The following PEX1 variants were observed in gnomAD, a reference collection of about 807,000 sequenced individuals.
PEX1 encodes peroxisomal ATPase PEX1.
In PEX1, 97 loss-of-function variants were observed where a neutral mutation model predicts 152.5. That is an observed-to-expected ratio of 0.64 (90% CI 0.54 to 0.75). The LOEUF is 0.75. Among genes scored for constraint, PEX1 ranks in the 30% least tolerant of loss-of-function variants. The pLI, the probability that PEX1 is intolerant of heterozygous loss-of-function variation, is 0.00. For synonymous variants in PEX1, 485 were observed against 531.6 expected (o/e 0.91, Z 1.21); for missense variants, 1,357 against 1,516.3 (o/e 0.89, Z 1.74).
At position 92,489,799 on chromosome 7, in the gene PEX1, C is replaced by T. The variant is rs1215256754; in HGVS notation, c.3551G>A (p.Gly1184Asp). 2 of 1,613,886 alleles carry T rather than the reference C, an allele frequency of 1.2e-6. No homozygotes were observed. The highest frequency in any genetic ancestry group is 2.7e-5 in the African/African-American group (2 of 74,900). Residue 1184 changes from glycine (G) to aspartate (D), a missense_variant, in exon 22 of 24, where the codon GGT (glycine) becomes GAT (aspartate). Physicochemically the swap from Gly to Asp is moderately conservative, Grantham distance 94 (BLOSUM62 -1). Coordinates refer to ENST00000248633, the MANE Select transcript of PEX1 (RefSeq NM_000466.3). ...PPVLRTASQEGCQELTQEQRD... is the reference protein window; with the variant it reads ...PPVLRTASQEDCQELTQEQRD... ...TTGTTCTTGTGTAAGTTCTTGGCAA[C>T]CCTCTTGTGAAGCTGTCCTTAACAC...
intron 2 of PEX1, 74 bp from the exon 3 acceptor site, chr7:92,519,152 T>A: frequency 1.2e-6 from 1 of 824,158 alleles, no homozygotes; most frequent in Non-Finnish European, 2.0e-6. Context: ...TAAGAAGTTA[T>A]CTTCTTACCA....
At chr7:92,490,309 G>T in intron 21 of PEX1, 1 of 224,416 alleles carries the variant, frequency 4.5e-6, no homozygotes, top group Non-Finnish European at 8.9e-6. Context: ...TACTGTTCTT[G>T]GGAATAAAAA....
chr7:92,516,043 GA>G (rs1490262016), intron 5 of PEX1, among the ~76,000 whole-genome samples: 1 of 101,108 alleles, frequency 9.9e-6, no homozygotes, highest in African/African-American at 4.2e-5. Context: ...GAAGAGAAGA[GA>G]AGAGAAGAGA....
chr7:92,522,274 AG>A, intron 1 of PEX1, 29 bp from the exon 2 acceptor site: 1 of 1,608,572 alleles, frequency 6.2e-7, no homozygotes. Context: ...AGAGGAAAAA[AG>A]GTTTTCGTAT....
intron 21 of PEX1, 29 bp from the exon 22 acceptor site, chr7:92,489,940 T>C (rs1455440603): frequency 2.7e-5 from 43 of 1,571,232 alleles, no homozygotes; most frequent in Non-Finnish European, 3.7e-5. Flanking sequence ...TAATGAAAGA[T>C]GGAAGGAAGA....
chr7:92,513,477 T>G (rs1481175052), intron 6 of PEX1, among the ~76,000 whole-genome samples: 2 of 152,064 alleles, frequency 1.3e-5, no homozygotes, highest in African/African-American at 4.8e-5. Flanking sequence ...TACTTCTACT[T>G]ATATATGAAA....
chr7:92,493,166 A>T (rs566105458), intron 19 of PEX1, 37 bp from the exon 20 acceptor site: 3 of 1,131,022 alleles, frequency 2.7e-6, no homozygotes, highest in Non-Finnish European at 2.6e-6. Context: ...AATAAAAAAT[A>T]AAATTAAAAA....
At chr7:92,498,629 A>T (rs541510885) in intron 16 of PEX1, among the ~76,000 whole-genome samples, 99 of 152,338 alleles carry the variant, frequency 6.5e-4, no homozygotes, top group Non-Finnish European at 1.3e-3. Context: ...CTGATGTCTG[A>T]AATTACACAG....
intron 5 of PEX1, among the ~76,000 whole-genome samples, chr7:92,517,038 C>G (rs1350167198): frequency 2.6e-5 from 4 of 152,202 alleles, no homozygotes; most frequent in Non-Finnish European, 4.4e-5. Context: ...ATTTTGACCT[C>G]TCTGGCCTGA....
At chr7:92,492,155 T>C (rs1791365858) in intron 20 of PEX1, among the ~76,000 whole-genome samples, 1 of 152,158 alleles carries the variant, frequency 6.6e-6, no homozygotes, top group Admixed American at 6.5e-5. Context: ...AAGAATATTT[T>C]TCTTTTTTGG....
rs1792842303 is a variant in PEX1, at chr7:92,517,396, A to G, written c.1119T>C (p.Asp373=). The change falls in exon 5 of 24, where the codon GAT becomes GAC. Residue 373 remains aspartate, a synonymous_variant. Transcript: ENST00000248633. ...AGGCCTTCTCATCTTCTTCATTATG[A>G]TCTGACCTAATTTTTTTTTGATCTA... ...EPLDQKKIRS[D]HNEEDEKACV... The G allele has an allele frequency of 6.2e-7, 1 of 1,613,390 alleles. No individual in the cohort carries two copies. Among genetic ancestry groups the G allele is most frequent in the Non-Finnish European group, 8.5e-7 (1 of 1,179,860 alleles).
rs545277776 is a variant in PEX1, at chr7:92,513,732, T to C, written c.1359+116A>G. 285 of 775,362 alleles carry C rather than the reference T, an allele frequency of 3.7e-4. 1 individual carries two copies. In the African/African-American group the frequency reaches 4.3e-3, roughly 12 times the overall value. The allele number at this position is 775,362 out of a possible 1,614,324, so 48.0% of individuals were successfully genotyped here. A position where few individuals can be genotyped will look rare whatever the true frequency, so the allele number is the denominator to read the frequency against. On this transcript the variant is annotated intron_variant, in intron 6 of 23. Coordinates refer to ENST00000248633, the MANE Select transcript of PEX1 (RefSeq NM_000466.3). ...TTATGTTATATATAGTTTAACACAA[T>C]AAAAAAAGATTTGTATCAAAAAGGA... is the stretch of plus-strand genomic sequence containing the variant.
At chr7:92,501,382 T>C (rs932102381) in intron 15 of PEX1, 125 bp downstream of exon 15, 3 of 735,782 alleles carry the variant, frequency 4.1e-6, no homozygotes, top group East Asian at 2.6e-5. Flanking sequence ...AGACATTTAT[T>C]TGGTAACTCA....
Position 92,507,138 on chromosome 7 carries a change from A to G in PEX1, c.1671-12T>C. 1 of 1,611,898 alleles carries G rather than the reference A, an allele frequency of 6.2e-7. No homozygotes were observed. The highest frequency in any genetic ancestry group is 8.5e-7 in the Non-Finnish European group (1 of 1,178,046). On this transcript the variant is annotated splice_polypyrimidine_tract_variant and intron_variant, in intron 9 of 23. Transcript: ENST00000248633. ...AGGAATTCACTCCTCTGTAAAAAAT[A>G]TACATAGTTACATGATAAAAGACTG...
In PEX1 at chr7:92,499,707, G is replaced by C. The variant is rs748602242; in HGVS notation, c.2715C>G (p.Val905=). The C allele has an allele frequency of 5.6e-6, 9 of 1,611,172 alleles. No homozygotes were observed. Among genetic ancestry groups the C allele is most frequent in the Non-Finnish European group, 7.6e-6 (9 of 1,177,436 alleles). ...AGAAGATAAGTAGACAACATACCTT[G>C]ACACTTATAAAATTCATTCTACTCT... is the stretch of plus-strand genomic sequence containing the variant. ...ARESRMNFIS[V]KGPELLSKYI... is the part of the protein sequence containing the mutation. The change falls in exon 16 of 24, where the codon GTC becomes GTG. Residue 905 remains valine (V), a synonymous_variant. Transcript: ENST00000248633.
At chr7:92,518,413 G>T (rs1281077880) in intron 3 of PEX1, among the ~76,000 whole-genome samples, 158 bp from the exon 4 acceptor site, 1 of 152,032 alleles carries the variant, frequency 6.6e-6, no homozygotes, top group Non-Finnish European at 1.5e-5. Flanking sequence ...TAGTATAATG[G>T]TTACTATAGT....
In PEX1 at chr7:92,517,850, G is replaced by A. The variant is rs773922257; in HGVS notation, c.665C>T (p.Thr222Ile). The A allele has an allele frequency of 1.5e-5, 23 of 1,543,018 alleles. No individual in the cohort carries two copies. The highest frequency in any genetic ancestry group is 1.9e-5 in the Non-Finnish European group (22 of 1,151,288). Residue 222 changes from threonine (T) to isoleucine (I), a missense_variant, in exon 5 of 24, where the codon ACT becomes ATT. By Grantham distance (89) the Thr-to-Ile change is moderately conservative. Transcript: ENST00000248633. ...TTCATTAGATTCAGTGATTCCCACA[G>A]TATTTGACTGAAGTTGCTTGGTTTG... Reference protein sequence around the residue: ...ELQTKQLQSNTVGITESNENE... With the variant: ...ELQTKQLQSNIVGITESNENE...
At chr7:92,491,538 T>A in intron 20 of PEX1, 36 bp from the exon 21 acceptor site, 1 of 1,241,602 alleles carries the variant, frequency 8.1e-7, no homozygotes. Context: ...TTTAAAGATG[T>A]AAACAATTTT....
intron 12 of PEX1, among the ~76,000 whole-genome samples, chr7:92,503,472 T>C (rs1191826738): frequency 6.6e-6 from 1 of 152,206 alleles, no homozygotes; most frequent in African/African-American, 2.4e-5. Flanking sequence ...GTGGATCTTA[T>C]GAAATAAATG....
Sources: allele counts gnomAD v4.1 joint callset (sites outside exome capture counted in the v4.1 genomes callset), GRCh38; gene constraint gnomAD v4.1.1; transcripts MANE v1.5; gene names NCBI Gene and HGNC (gene_info 2026-07-23, HGNC 2026-07-21).